Variants in DNAH5 observed in about 807,000 individuals in gnomAD.
DNAH5 encodes the protein dynein axonemal heavy chain 5.
In DNAH5, 372 loss-of-function variants were observed where a neutral mutation model predicts 518.2. That is an observed-to-expected ratio of 0.72 (90% CI 0.66 to 0.78). DNAH5 has a LOEUF of 0.78. Among genes scored for constraint, DNAH5 ranks in the 30% least tolerant of loss-of-function variants. The probability of loss-of-function intolerance (pLI) is 0.00; values close to 1 mark genes in which losing one functional copy is unlikely to be tolerated. For synonymous variants in DNAH5, 2,039 were observed against 2,025.9 expected (o/e 1.01, Z -0.17); for missense variants, 5,523 against 5,687.0 (o/e 0.97, Z 0.93).
At chr5:13,714,103 G>T (rs1257330213) in intron 75 of DNAH5, among the ~76,000 whole-genome samples, 1 of 152,008 alleles carries the variant, frequency 6.6e-6, no homozygotes, top group South Asian at 2.1e-4. Flanking sequence ...TGAACAAATG[G>T]CAATGTAAAG....
intron 1 of DNAH5, among the ~76,000 whole-genome samples, chr5:13,960,922 A>G (rs1253596647): frequency 6.6e-6 from 1 of 152,200 alleles, no homozygotes; most frequent in Non-Finnish European, 1.5e-5. Flanking sequence ...ACAAGAAGAG[A>G]GAAGAACTGG....
intron 75 of DNAH5, among the ~76,000 whole-genome samples, chr5:13,710,639 A>T (rs1022890380): frequency 1.3e-5 from 2 of 152,230 alleles, no homozygotes; most frequent in African/African-American, 4.8e-5. Flanking sequence ...CAAGAAAAGA[A>T]GAGAGAAAAT....
chr5:13,980,267 C>A (rs939378010), intron 1 of DNAH5, among the ~76,000 whole-genome samples: 1 of 152,104 alleles, frequency 6.6e-6, no homozygotes, highest in Non-Finnish European at 1.5e-5. Context: ...TGGCTCAGAG[C>A]CCAGGCTTCA....
chr5:13,975,909 G>A (rs59975956), intron 1 of DNAH5, among the ~76,000 whole-genome samples: 4,913 of 152,286 alleles, frequency 0.032, 268 homozygotes, highest in African/African-American at 0.11. Context: ...GGTGGCTCAT[G>A]CCTGTAATCC....
At chr5:14,009,487 A>G (rs939973083) in intron 1 of DNAH5, among the ~76,000 whole-genome samples, 4 of 152,176 alleles carry the variant, frequency 2.6e-5, no homozygotes, top group African/African-American at 9.7e-5. Flanking sequence ...TTGAGTGTCT[A>G]TTTGCTTCTA....
chr5:13,807,309 G>A (rs1396976259), intron 47 of DNAH5, among the ~76,000 whole-genome samples: 1 of 152,138 alleles, frequency 6.6e-6, no homozygotes, highest in Non-Finnish European at 1.5e-5. Context: ...TTCAGTTTTG[G>A]ATTTTGCGTG....
rs1742101929 is a variant in DNAH5, at chr5:13,701,415, G to A, written c.13360C>T (p.Leu4454=). 1 of 1,613,080 alleles carries A rather than the reference G, an allele frequency of 6.2e-7. No individual in the cohort carries two copies. Among genetic ancestry groups the A allele is most frequent in the Non-Finnish European group, 8.5e-7 (1 of 1,179,312 alleles). Reference sequence around the variant, plus strand: ...ATAAGTTCAGTAAACCAGAAACCCAGTGTACTAGAAATCCAAGAAGCCTGC... The same window carrying A: ...ATAAGTTCAGTAAACCAGAAACCCAATGTACTAGAAATCCAAGAAGCCTGC... ...WKKASWISST[L]GFWFTELIER... is the part of the protein sequence containing the mutation. The change falls in exon 77 of 79, where the codon CTG becomes TTG. Residue 4454 remains leucine (L), a synonymous_variant. Transcript: ENST00000265104.
At chr5:13,961,422 T>C (rs2152047012) in intron 1 of DNAH5, among the ~76,000 whole-genome samples, 1 of 151,804 alleles carries the variant, frequency 6.6e-6, no homozygotes, top group Admixed American at 6.6e-5. Flanking sequence ...GGCGGGCAGA[T>C]CGCCTGAGGT....
chr5:13,961,428 G>A (rs756761916), intron 1 of DNAH5, among the ~76,000 whole-genome samples: 1 of 152,120 alleles, frequency 6.6e-6, no homozygotes, highest in African/African-American at 2.4e-5. Flanking sequence ...CAGATCGCCT[G>A]AGGTTAGGAG....
Position 13,931,322 on chromosome 5 carries a change from T to G in DNAH5, c.58-78A>C. On this transcript the variant is annotated intron_variant, in intron 1 of 78. Transcript: ENST00000265104. ...TCATTTTGTAATAATTTCATACAAT[T>G]GTTGTTTTTTCAAGTCTTAGGTATC... is the stretch of plus-strand genomic sequence containing the variant. 1.9e-6 allele frequency: 3 copies of G among 1,593,772 alleles called. No homozygotes were observed. The South Asian group carries it at 3.3e-5, about 18-fold the overall frequency.
chr5:13,873,879 A>G (rs13188073), intron 22 of DNAH5, among the ~76,000 whole-genome samples: 24 of 152,322 alleles, frequency 1.6e-4, no homozygotes, highest in Admixed American at 3.9e-4. Context: ...TCAGAGTTAC[A>G]TCTGCATGAA....
chr5:13,889,835 C>T (rs1333603719), intron 17 of DNAH5, among the ~76,000 whole-genome samples: 2 of 152,110 alleles, frequency 1.3e-5, no homozygotes, highest in African/African-American at 4.8e-5. Flanking sequence ...CCTTATGATC[C>T]GGCTGCATCT....
intron 56 of DNAH5, 70 bp from the exon 57 acceptor site, chr5:13,769,685 C>G (rs1397485320): frequency 3.9e-6 from 5 of 1,269,142 alleles, no homozygotes; most frequent in Non-Finnish European, 5.8e-6. Context: ...AAGTACTGGT[C>G]CAATAATGAG....
At chr5:13,799,822 T>G (rs6896883) in intron 47 of DNAH5, among the ~76,000 whole-genome samples, 26,170 of 152,180 alleles carry the variant, frequency 0.17, 2,315 homozygotes, top group Admixed American at 0.21. Context: ...AAGCCATTTG[T>G]GTTTCCTATA....
At chr5:13,719,619 C>T (rs1482480204) in intron 71 of DNAH5, among the ~76,000 whole-genome samples, 1 of 152,142 alleles carries the variant, frequency 6.6e-6, no homozygotes. Context: ...TTCTGCCTGC[C>T]TTAATGAAAA....
intron 40 of DNAH5, among the ~76,000 whole-genome samples, chr5:13,821,363 G>A (rs904526970): frequency 3.3e-5 from 5 of 152,252 alleles, no homozygotes; most frequent in Non-Finnish European, 7.4e-5. Flanking sequence ...GTCTTTATAT[G>A]TCCACTGCAG....
At chr5:13,848,859 T>G (rs1374588874) in intron 31 of DNAH5, among the ~76,000 whole-genome samples, 3 of 152,216 alleles carry the variant, frequency 2.0e-5, no homozygotes, top group Non-Finnish European at 4.4e-5. Flanking sequence ...CTACTCACCT[T>G]CTGCTGTGCA....
chr5:13,916,476 T>G, intron 8 of DNAH5, 21 bp from the exon 9 acceptor site: 1 of 1,398,346 alleles, frequency 7.2e-7, no homozygotes, highest in Non-Finnish European at 1.0e-6. Context: ...TCACCAAAGT[T>G]TTCAGAAAAA....
chr5:13,815,579 A>T (rs2151802543), intron 42 of DNAH5, among the ~76,000 whole-genome samples: 1 of 152,272 alleles, frequency 6.6e-6, no homozygotes, highest in South Asian at 2.1e-4. Flanking sequence ...CAGCCTCTGG[A>T]ACTATGAGAA....
Sources: gnomAD v4.1 joint callset for allele counts (sites outside exome capture counted in the v4.1 genomes callset) on GRCh38, gnomAD v4.1.1 for gene constraint, MANE v1.5 for transcripts, NCBI Gene and HGNC (gene_info 2026-07-23, HGNC 2026-07-21) for gene names.